The following MAGI1 variants were observed in gnomAD, a reference collection of about 807,000 sequenced individuals.
MAGI1 encodes the protein membrane associated guanylate kinase, WW and PDZ domain containing 1, also known as membrane-associated guanylate kinase, WW and PDZ domain-containing protein 1.
A neutral mutation model predicts 139.9 loss-of-function variants in MAGI1; 58 were observed. The ratio of observed to expected loss-of-function variants is 0.41; its 90% CI spans 0.34 to 0.52. The LOEUF is 0.52. Ranked by LOEUF, MAGI1 falls within the 20% of genes least tolerant of loss-of-function variation. The pLI is 0.12. For synonymous variants in MAGI1, 812 were observed against 737.9 expected (o/e 1.10, Z -1.63); for missense variants, 1,874 against 1,901.6 (o/e 0.99, Z 0.27).
intron 1 of MAGI1, among the ~76,000 whole-genome samples, chr3:66,033,857 A>T (rs933647624): frequency 6.6e-6 from 1 of 152,202 alleles, no homozygotes; most frequent in Admixed American, 6.5e-5. Context: ...CTACAATCAT[A>T]CCATTTTAAA....
chr3:65,931,508 A>G (rs1172624172), intron 1 of MAGI1, among the ~76,000 whole-genome samples: 2 of 152,212 alleles, frequency 1.3e-5, no homozygotes, highest in East Asian at 3.9e-4. Flanking sequence ...TCTATAAAAA[A>G]TACAAAAATT....
intron 1 of MAGI1, among the ~76,000 whole-genome samples, chr3:65,909,645 G>A (rs1434632584): frequency 6.6e-6 from 1 of 152,182 alleles, no homozygotes; most frequent in Non-Finnish European, 1.5e-5. Flanking sequence ...GCAGTGAGCT[G>A]TGATCATACC....
intron 2 of MAGI1, among the ~76,000 whole-genome samples, chr3:65,523,802 T>C (rs1021703952): frequency 9.9e-5 from 15 of 152,182 alleles, no homozygotes; most frequent in Non-Finnish European, 2.1e-4. Context: ...TAATTAGCCT[T>C]AGGGGTAAAA....
chr3:66,014,735 C>T (rs1025881277), intron 1 of MAGI1, among the ~76,000 whole-genome samples: 9 of 152,178 alleles, frequency 5.9e-5, no homozygotes, highest in Admixed American at 5.2e-4. Context: ...TTAATAAACA[C>T]TTGTGAAATT....
intron 1 of MAGI1, among the ~76,000 whole-genome samples, chr3:65,890,468 C>T (rs1047954228): frequency 5.3e-5 from 8 of 152,158 alleles, no homozygotes; most frequent in African/African-American, 1.9e-4. Context: ...CTTGTGCATC[C>T]AACTTCAAAA....
chr3:65,745,467 G>A (rs905505274), intron 1 of MAGI1, among the ~76,000 whole-genome samples: 8 of 152,242 alleles, frequency 5.3e-5, no homozygotes, highest in African/African-American at 1.9e-4. Flanking sequence ...ACTTACAATT[G>A]GAAGCCCTAA....
At chr3:65,518,775 AAAAT>A (rs1453758464) in intron 2 of MAGI1, among the ~76,000 whole-genome samples, 2 of 151,962 alleles carry the variant, frequency 1.3e-5, no homozygotes, top group African/African-American at 2.4e-5. Flanking sequence ...CAGCAAAAAA[AAAAT>A]AAATAAATAA....
chr3:65,530,651 GTGTGTGTGTGTA>G (rs1248401824), intron 2 of MAGI1, among the ~76,000 whole-genome samples: 126 of 92,182 alleles, frequency 1.4e-3, no homozygotes, highest in East Asian at 8.8e-3. Flanking sequence ...GTGTGTGTGT[GTGTGTGTGTGTA>G]TATATATATA....
intron 1 of MAGI1, among the ~76,000 whole-genome samples, chr3:65,696,079 G>A (rs1193055133): frequency 6.6e-6 from 1 of 152,090 alleles, no homozygotes; most frequent in Non-Finnish European, 1.5e-5. Flanking sequence ...CCACCAAATG[G>A]GTTCCAGCTT....
chr3:65,902,200 G>T (rs367606862), intron 1 of MAGI1, among the ~76,000 whole-genome samples: 2 of 152,174 alleles, frequency 1.3e-5, no homozygotes, highest in Non-Finnish European at 1.5e-5. Context: ...AGACAAACAA[G>T]CAAAGCTGTA....
At chr3:65,767,807 G>T (rs1015111955) in intron 1 of MAGI1, among the ~76,000 whole-genome samples, 1 of 152,190 alleles carries the variant, frequency 6.6e-6, no homozygotes, top group Non-Finnish European at 1.5e-5. Context: ...GTTCTAGCTG[G>T]CATGAAAGGG....
At chr3:65,886,881 C>T (rs1206530337) in intron 1 of MAGI1, among the ~76,000 whole-genome samples, 2 of 152,172 alleles carry the variant, frequency 1.3e-5, no homozygotes, top group Non-Finnish European at 2.9e-5. Context: ...CAGTATTGAA[C>T]CAGTAAACTA....
chr3:66,032,915 A>T (rs1278241501), intron 1 of MAGI1, among the ~76,000 whole-genome samples: 1 of 37,886 alleles, frequency 2.6e-5, no homozygotes, highest in Non-Finnish European at 6.0e-5. Flanking sequence ...ACTCCATCTC[A>T]AAAAAAAAAA....
intron 1 of MAGI1, among the ~76,000 whole-genome samples, chr3:65,871,257 C>A (rs941681552): frequency 2.6e-5 from 4 of 151,890 alleles, no homozygotes; most frequent in Admixed American, 1.3e-4. Context: ...ATTTTTAAAA[C>A]AAAAAATATA....
intron 12 of MAGI1, among the ~76,000 whole-genome samples, chr3:65,416,835 A>C (rs976537649): frequency 1.3e-5 from 2 of 152,182 alleles, no homozygotes; most frequent in Admixed American, 1.3e-4. Flanking sequence ...GATTATGTTC[A>C]CAAATAGGGG....
intron 9 of MAGI1, among the ~76,000 whole-genome samples, chr3:65,438,063 T>C (rs1947971863): frequency 1.3e-5 from 2 of 152,198 alleles, no homozygotes; most frequent in African/African-American, 4.8e-5. Flanking sequence ...TCTATCAGAA[T>C]GATACCTACA....
intron 1 of MAGI1, among the ~76,000 whole-genome samples, chr3:65,701,228 T>C (rs924911853): frequency 2.0e-5 from 3 of 152,228 alleles, no homozygotes; most frequent in Non-Finnish European, 4.4e-5. Flanking sequence ...AAAATTCTCA[T>C]AAAAGAAAAG....
intron 1 of MAGI1, among the ~76,000 whole-genome samples, chr3:65,891,090 G>GA (rs2060724411): frequency 6.6e-6 from 1 of 151,878 alleles, no homozygotes; most frequent in African/African-American, 2.4e-5. Context: ...GCATGCACCT[G>GA]TAGTCCTAGC....
chr3:65,400,631 C>G (rs1387114088), intron 13 of MAGI1, among the ~76,000 whole-genome samples: 6 of 152,010 alleles, frequency 3.9e-5, no homozygotes, highest in Non-Finnish European at 1.5e-5. Flanking sequence ...CATTAGTGCC[C>G]CGGGAGCATA....
Sources: allele counts gnomAD v4.1 joint callset (sites outside exome capture counted in the v4.1 genomes callset), GRCh38; gene constraint gnomAD v4.1.1; transcripts MANE v1.5; gene names NCBI Gene and HGNC (gene_info 2026-07-23, HGNC 2026-07-21).